PTPRM: variants seen among roughly 807,000 people sequenced by gnomAD.
The protein encoded by PTPRM is receptor-type tyrosine-protein phosphatase mu.
Under a neutral mutation model 186.7 loss-of-function variants are expected in PTPRM, and 47 were observed. That is an observed-to-expected ratio of 0.25 (90% CI 0.20 to 0.32). The LOEUF (loss-of-function observed/expected upper bound fraction) is 0.32. Among genes scored for constraint, PTPRM ranks in the 10% least tolerant of loss-of-function variants. PTPRM has a pLI of 1.00. For missense variants in PTPRM, 1,494 were observed against 1,865.0 expected (o/e 0.80, Z 3.66); for synonymous variants, 668 against 674.9 (o/e 0.99, Z 0.16).
chr18:8,381,178 C>G (rs1476990226), intron 29 of PTPRM, among the ~76,000 whole-genome samples: 1 of 151,980 alleles, frequency 6.6e-6, no homozygotes, highest in Non-Finnish European at 1.5e-5. Context: ...GGTTGTCAGG[C>G]AAGCATTAGC....
chr18:8,152,531 A>G (rs1002082807), intron 14 of PTPRM, among the ~76,000 whole-genome samples: 1 of 151,898 alleles, frequency 6.6e-6, no homozygotes, highest in Non-Finnish European at 1.5e-5. Flanking sequence ...TGTGCCGTTT[A>G]TCTCTTTTTC....
At chr18:8,329,854 A>G (rs1224406697) in intron 22 of PTPRM, among the ~76,000 whole-genome samples, 1 of 152,212 alleles carries the variant, frequency 6.6e-6, no homozygotes, top group East Asian at 1.9e-4. Flanking sequence ...GCAGGAGTGT[A>G]GTAGCATGAT....
intron 2 of PTPRM, among the ~76,000 whole-genome samples, chr18:7,842,910 A>ATG (rs1285423674): frequency 0.016 from 1,663 of 106,708 alleles, 66 homozygotes; most frequent in African/African-American, 0.065. Context: ...TGTTTCTCAT[A>ATG]TGTGTGTGTG....
At chr18:8,181,190 G>A (rs971438328) in intron 14 of PTPRM, among the ~76,000 whole-genome samples, 2 of 152,228 alleles carry the variant, frequency 1.3e-5, no homozygotes, top group Non-Finnish European at 2.9e-5. Context: ...AGATTTGAAA[G>A]CTATGTCAGA....
chr18:8,242,011 A>G (rs923392603), intron 14 of PTPRM, among the ~76,000 whole-genome samples: 2 of 152,114 alleles, frequency 1.3e-5, no homozygotes, highest in African/African-American at 4.8e-5. Flanking sequence ...AGGGAGAAAG[A>G]ATTTTTCCAG....
chr18:7,716,725 A>G (rs1301753756), intron 1 of PTPRM, among the ~76,000 whole-genome samples: 1 of 152,234 alleles, frequency 6.6e-6, no homozygotes. Context: ...TAAACATGAA[A>G]AAAGCTCATC....
intron 11 of PTPRM, among the ~76,000 whole-genome samples, chr18:8,107,379 C>G (rs1392881883): frequency 6.6e-6 from 1 of 152,190 alleles, no homozygotes; most frequent in African/African-American, 2.4e-5. Flanking sequence ...TATCCCAAAC[C>G]TCCATAACTA....
At chr18:8,120,699 T>G (rs1367751703) in intron 13 of PTPRM, among the ~76,000 whole-genome samples, 2 of 152,108 alleles carry the variant, frequency 1.3e-5, no homozygotes, top group Non-Finnish European at 1.5e-5. Context: ...TTTCACCATG[T>G]TATTCATTTG....
intron 13 of PTPRM, among the ~76,000 whole-genome samples, chr18:8,122,929 G>A (rs995246402): frequency 6.6e-6 from 1 of 152,188 alleles, no homozygotes; most frequent in Non-Finnish European, 1.5e-5. Context: ...TGGCATATCT[G>A]CAAGTCAAAT....
chr18:8,160,904 C>T (rs2146339082), intron 14 of PTPRM, among the ~76,000 whole-genome samples: 1 of 152,274 alleles, frequency 6.6e-6, no homozygotes, highest in African/African-American at 2.4e-5. Flanking sequence ...GAAAAGGCCG[C>T]TTAGTGTAAG....
chr18:8,182,542 C>T (rs549797761), intron 14 of PTPRM, among the ~76,000 whole-genome samples: 1 of 152,300 alleles, frequency 6.6e-6, no homozygotes, highest in Non-Finnish European at 1.5e-5. Context: ...ACTTCCAAAT[C>T]GGAATTACCT....
rs1216201407 is a variant in PTPRM at position 7,675,092 on chromosome 18, C to T, written c.74-99057C>T. Among the ~76,000 whole-genome samples the T allele has an allele frequency of 2.6e-5, 4 of 152,200 alleles. No individual in the cohort carries two copies. The East Asian group carries it at 7.7e-4, about 29-fold the overall frequency. On this transcript the variant is annotated intron_variant, in intron 1 of 32. Transcript: ENST00000580170. ...CTTACCCAAGCTGTATCTTGAAATACAGTTTGAATCAACTTGGAAGAAAAC... is the reference window on the plus strand; with the variant it reads ...CTTACCCAAGCTGTATCTTGAAATATAGTTTGAATCAACTTGGAAGAAAAC...
chr18:8,173,404 A>T (rs1267337522), intron 14 of PTPRM, among the ~76,000 whole-genome samples: 1 of 152,250 alleles, frequency 6.6e-6, no homozygotes, highest in Non-Finnish European at 1.5e-5. Context: ...TTGCTGTGTT[A>T]GAATCGGGCC....
chr18:7,735,442 A>G (rs1217887676), intron 1 of PTPRM, among the ~76,000 whole-genome samples: 1 of 150,934 alleles, frequency 6.6e-6, no homozygotes, highest in Non-Finnish European at 1.5e-5. Flanking sequence ...CAAGCAAACA[A>G]ACAAACATTA....
chr18:8,086,724 G>T (rs1030153005), intron 10 of PTPRM, among the ~76,000 whole-genome samples: 2 of 152,042 alleles, frequency 1.3e-5, no homozygotes, highest in Non-Finnish European at 2.9e-5. Context: ...ATTAATAAAA[G>T]TTATCATTTG....
chr18:8,130,620 C>G (rs1313225844), intron 13 of PTPRM, among the ~76,000 whole-genome samples: 1 of 152,162 alleles, frequency 6.6e-6, no homozygotes, highest in Non-Finnish European at 1.5e-5. Context: ...CTTAATGGTA[C>G]AGATGATAGG....
chr18:7,762,391 C>T (rs773643942), intron 1 of PTPRM, among the ~76,000 whole-genome samples: 2 of 151,776 alleles, frequency 1.3e-5, no homozygotes, highest in Non-Finnish European at 2.9e-5. Context: ...AGCATATGGG[C>T]AGGAGGATCA....
intron 14 of PTPRM, among the ~76,000 whole-genome samples, chr18:8,227,648 C>T (rs1404951650): frequency 6.6e-6 from 1 of 152,174 alleles, no homozygotes; most frequent in Non-Finnish European, 1.5e-5. Flanking sequence ...GTTTAACAAA[C>T]ATCATCAAGA....
chr18:8,102,652 T>C lies in PTPRM; in HGVS notation c.1857-10834T>C, dbSNP rs561129526. Among the ~76,000 whole-genome samples, 3 of 152,284 alleles carry C rather than the reference T, an allele frequency of 2.0e-5. No homozygotes were observed. In the East Asian group the frequency reaches 5.8e-4, roughly 29 times the overall value. On this transcript the variant is annotated intron_variant, in intron 11 of 32. Coordinates refer to ENST00000580170, the MANE Select transcript of PTPRM (RefSeq NM_001105244.2). ...TTCCACCACATCTGAGGTGACTTCT[T>C]CCATTGAAGTGTTGAACCCCTCAAA...
Sources: gnomAD v4.1 joint callset for allele counts (sites outside exome capture counted in the v4.1 genomes callset) on GRCh38, gnomAD v4.1.1 for gene constraint, MANE v1.5 for transcripts, NCBI Gene and HGNC (gene_info 2026-07-23, HGNC 2026-07-21) for gene names.